The following NBEA variants were observed in gnomAD, a reference collection of about 807,000 sequenced individuals.
The protein encoded by NBEA is lysosomal-trafficking regulator 2.
Under a neutral mutation model 343.4 loss-of-function variants are expected in NBEA, and 44 were observed. That is an observed-to-expected ratio of 0.13 (90% CI 0.10 to 0.16). NBEA has a LOEUF of 0.16. NBEA is among the 10% of genes least tolerant of loss of function. NBEA has a pLI of 1.00. For synonymous variants in NBEA, 1,175 were observed against 1,238.7 expected (o/e 0.95, Z 1.08); for missense variants, 2,555 against 3,631.3 (o/e 0.70, Z 7.62).
chr13:35,192,622 T>C (rs900698170), intron 30 of NBEA, among the ~76,000 whole-genome samples: 4 of 152,132 alleles, frequency 2.6e-5, no homozygotes, highest in Admixed American at 1.3e-4. Flanking sequence ...TAGAAACTTC[T>C]AATTGTGTTT....
At chr13:35,621,801 T>C (rs2083005393) in intron 48 of NBEA, among the ~76,000 whole-genome samples, 1 of 152,192 alleles carries the variant, frequency 6.6e-6, no homozygotes, top group African/African-American at 2.4e-5. Context: ...ACAGTTATTA[T>C]CCAATGATAG....
chr13:35,522,475 C>CAAAAAAAAA (rs138270833), intron 41 of NBEA, among the ~76,000 whole-genome samples: 506 of 42,050 alleles, frequency 0.012, 22 homozygotes, highest in Non-Finnish European at 0.02. Context: ...ATACCATCTC[C>CAAAAAAAAA]AAAAAAAAAA....
At chr13:35,017,904 T>C (rs1213644267) in intron 1 of NBEA, among the ~76,000 whole-genome samples, 1 of 152,182 alleles carries the variant, frequency 6.6e-6, no homozygotes, top group Non-Finnish European at 1.5e-5. Flanking sequence ...TTAACCCTTA[T>C]ATTTGCATAT....
chr13:35,431,882 G>A (rs370584660), intron 38 of NBEA, among the ~76,000 whole-genome samples: 20 of 152,124 alleles, frequency 1.3e-4, no homozygotes, highest in African/African-American at 3.9e-4. Context: ...GGTCTATTCC[G>A]TGATTTACAA....
At chr13:35,190,114 A>C (rs2072065117) in intron 30 of NBEA, among the ~76,000 whole-genome samples, 1 of 152,136 alleles carries the variant, frequency 6.6e-6, no homozygotes, top group Non-Finnish European at 1.5e-5. Flanking sequence ...ACTGTATGGA[A>C]TCTTCCTGGA....
At chr13:35,535,862 A>C (rs2078514022) in intron 41 of NBEA, among the ~76,000 whole-genome samples, 1 of 152,206 alleles carries the variant, frequency 6.6e-6, no homozygotes, top group Non-Finnish European at 1.5e-5. Flanking sequence ...GTACATACTT[A>C]TTGCTACATA....
chr13:35,382,727 A>T (rs1224652624), intron 38 of NBEA, among the ~76,000 whole-genome samples: 3 of 152,154 alleles, frequency 2.0e-5, no homozygotes. Context: ...TATTTATATT[A>T]TTCACTTTAA....
At chr13:35,442,349 T>G (rs932456199) in intron 39 of NBEA, among the ~76,000 whole-genome samples, 12 of 152,140 alleles carry the variant, frequency 7.9e-5, no homozygotes, top group Non-Finnish European at 1.6e-4. Context: ...AAGTAAAATG[T>G]GCCCTGCGAT....
chr13:35,206,550 C>G (rs1395244817), intron 31 of NBEA, among the ~76,000 whole-genome samples: 1 of 152,072 alleles, frequency 6.6e-6, no homozygotes, highest in Non-Finnish European at 1.5e-5. Context: ...ATTTTGATAA[C>G]AAACTCCAAA....
intron 48 of NBEA, among the ~76,000 whole-genome samples, chr13:35,619,340 A>G (rs1174766026): frequency 6.6e-6 from 1 of 152,042 alleles, no homozygotes; most frequent in Non-Finnish European, 1.5e-5. Flanking sequence ...GCCAGTGAGC[A>G]TGACATAGAG....
intron 53 of NBEA, among the ~76,000 whole-genome samples, chr13:35,652,567 G>C (rs1036903640): frequency 1.3e-5 from 2 of 149,554 alleles, no homozygotes; most frequent in Non-Finnish European, 3.0e-5. Flanking sequence ...CGTGAACCTG[G>C]GAGGCGGAGC....
chr13:35,415,907 C>T (rs2043876440), intron 38 of NBEA, among the ~76,000 whole-genome samples: 1 of 152,142 alleles, frequency 6.6e-6, no homozygotes, highest in African/African-American at 2.4e-5. Context: ...TCTTTTATTT[C>T]ATTGAGCAGT....
Position 35,346,196 on chromosome 13 carries a change from G to A in NBEA, c.5904-2912G>A, listed in dbSNP as rs2039861900. On this transcript the variant is annotated intron_variant, in intron 36 of 58. Transcript: ENST00000379939. ...TCCTGGGAATGATATGTATTAGCCA[G>A]CCAGACCATGTACCCTTCCCTTCCT... Among the ~76,000 whole-genome samples, 3 of 152,030 alleles carry A rather than the reference G, an allele frequency of 2.0e-5. No individual in the cohort carries two copies. In the South Asian group the frequency reaches 6.2e-4, roughly 32 times the overall value.
At chr13:35,118,590 A>C (rs1406772369) in intron 16 of NBEA, 116 bp downstream of exon 16, 9 of 756,328 alleles carry the variant, frequency 1.2e-5, no homozygotes, top group Middle Eastern at 3.9e-4. Flanking sequence ...TGCACATAAG[A>C]GAATAAATGG....
At chr13:35,219,331 T>C (rs1162911173) in intron 33 of NBEA, among the ~76,000 whole-genome samples, 2 of 152,132 alleles carry the variant, frequency 1.3e-5, no homozygotes, top group African/African-American at 4.8e-5. Context: ...TTGAAAGTTG[T>C]ACATTGTTTG....
At chr13:35,559,161 A>G (rs1017276854) in intron 44 of NBEA, among the ~76,000 whole-genome samples, 4 of 152,220 alleles carry the variant, frequency 2.6e-5, no homozygotes, top group African/African-American at 9.6e-5. Context: ...GAGAAGCTTC[A>G]GTAATGCCAT....
chr13:35,411,462 C>CTTT (rs199640430), intron 38 of NBEA, among the ~76,000 whole-genome samples: 7 of 146,184 alleles, frequency 4.8e-5, no homozygotes, highest in African/African-American at 7.5e-5. Context: ...CTTGTCTCTT[C>CTTT]TTTTTTTTTT....
chr13:35,434,315 G>A (rs966880040), intron 39 of NBEA, among the ~76,000 whole-genome samples: 14 of 152,182 alleles, frequency 9.2e-5, no homozygotes, highest in African/African-American at 2.6e-4. Context: ...GGTAAGAGGT[G>A]TGATACTAAA....
At position 35,138,307 on chromosome 13, in the gene NBEA, G is replaced by A. The variant is rs188282696; in HGVS notation, c.2337-3962G>A. Among the ~76,000 whole-genome samples the A allele has an allele frequency of 2.0e-5, 3 of 151,880 alleles. No individual in the cohort carries two copies. The East Asian group carries it at 5.8e-4, about 29-fold the overall frequency. On this transcript the variant is annotated intron_variant, in intron 17 of 58. Transcript: ENST00000379939. Reference sequence around the variant, plus strand: ...GTCTCATAAAAATTAAAATATAAAAGCTTTTAACCCAATCATTTCAGTTTT... The same window carrying A: ...GTCTCATAAAAATTAAAATATAAAAACTTTTAACCCAATCATTTCAGTTTT...
Sources: allele counts gnomAD v4.1 joint callset (sites outside exome capture counted in the v4.1 genomes callset), GRCh38; gene constraint gnomAD v4.1.1; transcripts MANE v1.5; gene names NCBI Gene and HGNC (gene_info 2026-07-23, HGNC 2026-07-21).